RINT1: variants seen among roughly 807,000 people sequenced by gnomAD.
RINT1 encodes the protein RAD50-interacting protein 1.
Under a neutral mutation model 97.7 loss-of-function variants are expected in RINT1, and 75 were observed. The observed-to-expected ratio is 0.77, with a 90% CI of 0.64 to 0.93. The LOEUF (loss-of-function observed/expected upper bound fraction) is 0.93, where lower values mean the gene tolerates loss of function less well. RINT1 is among the 40% of genes least tolerant of loss of function. The pLI is 0.00. For missense variants in RINT1, 892 were observed against 925.2 expected (o/e 0.96, Z 0.47); for synonymous variants, 303 against 326.3 (o/e 0.93, Z 0.77).
rs1350802678 is a variant in RINT1, at chr7:105,567,489, T to C, written c.*178T>C. On this transcript the variant is annotated 3_prime_UTR_variant, in exon 15 of 15. Transcript: ENST00000257700. ...GACCATATTTCCTTCATCCTCTTGT[T>C]CCTAAGGAAACAAAAACAGAAAACG... The C allele has an allele frequency of 1.8e-5, 13 of 703,298 alleles. No homozygotes were observed. The highest frequency in any genetic ancestry group is 1.3e-5 in the Non-Finnish European group (5 of 390,466). 43.6% of individuals were successfully genotyped at this position (703,298 alleles called of 1,614,324 possible).
intron 11 of RINT1, among the ~76,000 whole-genome samples, chr7:105,555,851 G>T (rs897260904): frequency 2.6e-5 from 4 of 152,068 alleles, no homozygotes; most frequent in African/African-American, 7.2e-5. Flanking sequence ...TTAGCCAGGT[G>T]TGGTGGCATA....
In RINT1 at chr7:105,548,581, A is replaced by C. The variant is rs567420660; in HGVS notation, c.867A>C (p.Gln289His). 1.2e-6 allele frequency: 2 copies of C among 1,613,964 alleles called. No individual in the cohort carries two copies. The highest frequency in any genetic ancestry group is 1.7e-5 in the Admixed American group (1 of 59,992). ...ATGAATTACTTACTGAGCCAAAGCAACTCCCAGAAAAATACTCTCTTCCTG... is the reference window on the plus strand; with the variant it reads ...ATGAATTACTTACTGAGCCAAAGCACCTCCCAGAAAAATACTCTCTTCCTG... ...TSDELLTEPK[Q>H]LPEKYSLPAS... The change falls in exon 7 of 15, where the codon CAA (glutamine) becomes CAC (histidine). Residue 289 changes from glutamine to histidine, a missense_variant. Coordinates refer to ENST00000257700, the MANE Select transcript of RINT1 (RefSeq NM_021930.6).
At chr7:105,542,925 G>A (rs1284249288) in intron 4 of RINT1, among the ~76,000 whole-genome samples, 3 of 150,332 alleles carry the variant, frequency 2.0e-5, no homozygotes, top group Admixed American at 6.7e-5. Flanking sequence ...TCGCTCTGTC[G>A]CCCAGCTGGA....
At chr7:105,553,218 A>G (rs2133415400) in intron 10 of RINT1, among the ~76,000 whole-genome samples, 1 of 151,384 alleles carries the variant, frequency 6.6e-6, no homozygotes, top group Non-Finnish European at 1.5e-5. Context: ...ACATCTCATC[A>G]TGTCAATTGT....
chr7:105,555,326 A>G lies in RINT1; in HGVS notation c.1671+99A>G. ...GAATCTATTGCAAGCAAAAATAAAC[A>G]TGCTAGACAGAACCATAGTGCCATA... On this transcript the variant is annotated intron_variant, in intron 11 of 14. Coordinates refer to ENST00000257700, the MANE Select transcript of RINT1 (RefSeq NM_021930.6). The G allele has an allele frequency of 4.2e-6, 4 of 945,466 alleles. No homozygotes were observed. The South Asian group carries it at 7.2e-5, about 17-fold the overall frequency. 58.6% of individuals were successfully genotyped at this position (945,466 alleles called of 1,614,324 possible). A position where few individuals can be genotyped will look rare whatever the true frequency, so the allele number is the denominator to read the frequency against.
chr7:105,555,352 A>G (rs1791136361), intron 11 of RINT1, 125 bp downstream of exon 11: 3 of 684,938 alleles, frequency 4.4e-6, no homozygotes, highest in Non-Finnish European at 7.0e-6. Context: ...TAGTGCCATA[A>G]TTAAAAGGTG....
At chr7:105,564,910 G>A (rs1354454918) in intron 12 of RINT1, among the ~76,000 whole-genome samples, 2 of 151,988 alleles carry the variant, frequency 1.3e-5, no homozygotes, top group Non-Finnish European at 2.9e-5. Flanking sequence ...GCTGACACGA[G>A]AATTGCTTGA....
At chr7:105,566,065 C>T (rs1215323659) in intron 14 of RINT1, among the ~76,000 whole-genome samples, 4 of 151,610 alleles carry the variant, frequency 2.6e-5, no homozygotes, top group East Asian at 1.9e-4. Context: ...GTCAGGAGAT[C>T]GAGACCATCC....
chr7:105,560,661 TAAAAG>T (rs1276097863), intron 11 of RINT1, among the ~76,000 whole-genome samples: 1 of 152,194 alleles, frequency 6.6e-6, no homozygotes, highest in Non-Finnish European at 1.5e-5. Flanking sequence ...TCAAGAACTT[TAAAAG>T]AAAAGCAACT....
At chr7:105,550,845 C>T (rs184212262) in intron 9 of RINT1, among the ~76,000 whole-genome samples, 8 of 152,008 alleles carry the variant, frequency 5.3e-5, no homozygotes, top group Non-Finnish European at 7.4e-5. Flanking sequence ...ACCTCCACCC[C>T]CTGCGTTCAA....
chr7:105,563,795 A>AT lies in RINT1; in HGVS notation c.1736dup (p.Leu579PhefsTer15). 1 of 1,614,176 alleles carries AT rather than the reference A, an allele frequency of 6.2e-7. No homozygotes were observed. Among genetic ancestry groups the AT allele is most frequent in the East Asian group, 2.2e-5 (1 of 44,876 alleles). On this transcript the variant is annotated frameshift_variant, in exon 12 of 15. Coordinates refer to ENST00000257700, the MANE Select transcript of RINT1 (RefSeq NM_021930.6). LOFTEE classifies it high-confidence loss of function. ...TTGCAGAGAATAATACTCTGAGTAA[A>AT]TTGCAGCTAGGACAGCTAGCCTCTA...
chr7:105,559,319 T>C (rs1586257657), intron 11 of RINT1, among the ~76,000 whole-genome samples: 1 of 151,972 alleles, frequency 6.6e-6, no homozygotes, highest in Non-Finnish European at 1.5e-5. Context: ...GGCAGGCGGA[T>C]CACCTGAGGT....
intron 6 of RINT1, among the ~76,000 whole-genome samples, chr7:105,547,582 T>C (rs891409022): frequency 2.6e-5 from 4 of 152,132 alleles, no homozygotes; most frequent in African/African-American, 9.7e-5. Flanking sequence ...AAAAGGTCTC[T>C]TGGGGCAACA....
chr7:105,536,313 C>G (rs924693782), intron 2 of RINT1, among the ~76,000 whole-genome samples: 1 of 152,112 alleles, frequency 6.6e-6, no homozygotes, highest in Non-Finnish European at 1.5e-5. Context: ...CCTGTGCCCC[C>G]ACGCCTGGCT....
intron 12 of RINT1, 105 bp from the exon 13 acceptor site, chr7:105,565,172 T>C: frequency 1.1e-6 from 1 of 921,856 alleles, no homozygotes; most frequent in Non-Finnish European, 1.6e-6. Flanking sequence ...TTTTTTCTTA[T>C]CCAAAATGCC....
At chr7:105,533,529 G>A (rs1309809764) in intron 2 of RINT1, among the ~76,000 whole-genome samples, 1 of 152,198 alleles carries the variant, frequency 6.6e-6, no homozygotes, top group Non-Finnish European at 1.5e-5. Context: ...AAAAGCATGT[G>A]ATAGCTCTGC....
At chr7:105,556,740 CTAAGTA>C (rs1487594323) in intron 11 of RINT1, among the ~76,000 whole-genome samples, 6 of 151,934 alleles carry the variant, frequency 3.9e-5, no homozygotes, top group African/African-American at 1.5e-4. Context: ...CTTGATATGC[CTAAGTA>C]TAATTATTAA....
At chr7:105,548,783 T>C in intron 7 of RINT1, 73 bp downstream of exon 7, 1 of 1,399,706 alleles carries the variant, frequency 7.1e-7, no homozygotes, top group Non-Finnish European at 9.7e-7. Context: ...TTTGCTGGTT[T>C]AAGTTAAAAT....
chr7:105,553,838 A>C (rs1305237802), intron 10 of RINT1, among the ~76,000 whole-genome samples: 1 of 140,076 alleles, frequency 7.1e-6, no homozygotes. Context: ...CTCCTACCTC[A>C]GCCTCCTGAG....
Sources: gnomAD v4.1 joint callset for allele counts (sites outside exome capture counted in the v4.1 genomes callset) on GRCh38, gnomAD v4.1.1 for gene constraint, MANE v1.5 for transcripts, NCBI Gene and HGNC (gene_info 2026-07-23, HGNC 2026-07-21) for gene names.